The following PTK2 variants were observed in gnomAD, a reference collection of about 807,000 sequenced individuals.
PTK2 encodes the protein focal adhesion kinase 1.
In PTK2, 45 loss-of-function variants were observed where a neutral mutation model predicts 150.1. That is an observed-to-expected ratio of 0.30 (90% CI 0.24 to 0.38). The LOEUF (loss-of-function observed/expected upper bound fraction) is 0.38, where lower values mean the gene tolerates loss of function less well. Ranked by LOEUF, PTK2 falls within the 10% of genes least tolerant of loss-of-function variation. The pLI is 1.00. For missense variants in PTK2, 919 were observed against 1,307.3 expected (o/e 0.70, Z 4.58); for synonymous variants, 432 against 449.2 (o/e 0.96, Z 0.48).
intron 2 of PTK2, among the ~76,000 whole-genome samples, chr8:140,901,746 T>C (rs2100158541): frequency 6.6e-6 from 1 of 151,810 alleles, no homozygotes; most frequent in Non-Finnish European, 1.5e-5. Flanking sequence ...GGTGGTTTGC[T>C]GCACCCATCA....
At chr8:140,743,404 T>C (rs2100056819) in intron 19 of PTK2, 74 bp from the exon 23 acceptor site, 2 of 1,145,766 alleles carry the variant, frequency 1.7e-6, no homozygotes, top group Non-Finnish European at 2.6e-6. Flanking sequence ...TATAAAGACA[T>C]ACCAATAGGC....
Position 140,735,544 on chromosome 8 carries a change from G to A in PTK2, c.1826-89C>T, listed in dbSNP as rs1028410339. ...AGGAACATTGTTCTTCTAGGCACTC[G>A]AGTACCAGCTGGGAGGTAATGGGCA... On this transcript the variant is annotated intron_variant, in intron 21 of 31. Coordinates refer to ENST00000522684, the Ensembl canonical transcript of PTK2. The A allele has an allele frequency of 7.5e-6, 10 of 1,335,976 alleles. No individual in the cohort carries two copies. In the East Asian group the frequency reaches 9.3e-5, roughly 12 times the overall value. The allele number at this position is 1,335,976 out of a possible 1,614,324, so 82.8% of individuals were successfully genotyped here.
intron 1 of PTK2, among the ~76,000 whole-genome samples, chr8:140,990,506 T>A (rs1015475703): frequency 1.3e-5 from 2 of 152,134 alleles, no homozygotes; most frequent in Non-Finnish European, 2.9e-5. Flanking sequence ...CCTCCCAAAG[T>A]GCTGGGGTTA....
intron 2 of PTK2, chr8:140,921,223 T>C: frequency 1.2e-6 from 1 of 801,244 alleles, no homozygotes; most frequent in South Asian, 6.1e-5. Context: ...GTTCCTAGAT[T>C]CATTCAGGGA....
At chr8:140,930,397 C>A (rs1392244825) in intron 1 of PTK2, among the ~76,000 whole-genome samples, 1 of 152,212 alleles carries the variant, frequency 6.6e-6, no homozygotes, top group African/African-American at 2.4e-5. Context: ...ATGTGCCACA[C>A]TCTCCTGATC....
chr8:140,862,766 T>A (rs1357936659), intron 5 of PTK2, among the ~76,000 whole-genome samples: 1 of 152,178 alleles, frequency 6.6e-6, no homozygotes, highest in Non-Finnish European at 1.5e-5. Flanking sequence ...AGGTTGCGCA[T>A]TCCTTATGAG....
intron 8 of PTK2, among the ~76,000 whole-genome samples, chr8:140,829,668 GTA>G (rs1443952037): frequency 2.0e-5 from 3 of 152,052 alleles, no homozygotes; most frequent in Non-Finnish European, 4.4e-5. Flanking sequence ...AAAATAAAAA[GTA>G]AGAGCAGTAA....
At chr8:140,795,668 C>A (rs1046490669) in intron 12 of PTK2, among the ~76,000 whole-genome samples, 15 of 152,116 alleles carry the variant, frequency 9.9e-5, no homozygotes, top group Admixed American at 6.5e-5. Context: ...GCATGCACAA[C>A]CCTGTCTGTT....
intron 1 of PTK2, among the ~76,000 whole-genome samples, chr8:140,933,840 G>A (rs906472947): frequency 6.6e-6 from 1 of 151,822 alleles, no homozygotes; most frequent in African/African-American, 2.4e-5. Flanking sequence ...TATAGTATGA[G>A]AATTATACGT....
intron 1 of PTK2, among the ~76,000 whole-genome samples, chr8:140,964,086 A>G (rs2154609464): frequency 6.6e-6 from 1 of 152,068 alleles, no homozygotes; most frequent in East Asian, 1.9e-4. Context: ...GCTTACTCCT[A>G]ATCATCCTTC....
chr8:140,934,008 C>A (rs117680752), intron 1 of PTK2, among the ~76,000 whole-genome samples: 1 of 150,126 alleles, frequency 6.7e-6, no homozygotes, highest in African/African-American at 2.4e-5. Flanking sequence ...AAAAAAAATA[C>A]CTTTAACAAA....
At chr8:140,993,768 C>T (rs939248910) in intron 1 of PTK2, among the ~76,000 whole-genome samples, 8 of 152,106 alleles carry the variant, frequency 5.3e-5, no homozygotes, top group Admixed American at 5.2e-4. Context: ...CTCACTATGT[C>T]GCCCAGGCTG....
intron 1 of PTK2, among the ~76,000 whole-genome samples, chr8:140,926,520 C>A (rs1241347905): frequency 6.6e-6 from 1 of 152,168 alleles, no homozygotes; most frequent in Non-Finnish European, 1.5e-5. Context: ...GACAAATAAG[C>A]TGCTCTTATC....
At chr8:140,834,526 T>C (rs1431886430) in intron 7 of PTK2, among the ~76,000 whole-genome samples, 2 of 152,192 alleles carry the variant, frequency 1.3e-5, no homozygotes, top group East Asian at 1.9e-4. Flanking sequence ...TCACTAAGAT[T>C]CAAATCATTT....
chr8:140,823,275 T>A (rs964987747), intron 8 of PTK2, among the ~76,000 whole-genome samples: 1 of 152,198 alleles, frequency 6.6e-6, no homozygotes, highest in African/African-American at 2.4e-5. Flanking sequence ...TCAAAAATTA[T>A]GTAAAATAGG....
At position 140,934,768 on chromosome 8, in the gene PTK2, T is replaced by C. The variant is rs146535110; in HGVS notation, c.-121-9019A>G. Among the ~76,000 whole-genome samples, 373 of 152,350 alleles carry C rather than the reference T, an allele frequency of 2.4e-3. 4 individuals carry two copies. Among genetic ancestry groups the C allele is most frequent in the African/African-American group, 7.6e-3 (318 of 41,588 alleles). On this transcript the variant is annotated intron_variant, in intron 1 of 31. Transcript: ENST00000522684. The stretch of plus-strand genomic sequence containing the variant: ...TGCTAAGCCTCTGCTATGACAGTGA[T>C]GAAATTTTCTGACCATCTGTTGTTA...
At position 140,789,407 on chromosome 8, in the gene PTK2, AT is replaced by A. The variant is rs2100087017; in HGVS notation, c.1177+66del. The A allele has an allele frequency of 1.2e-5, 17 of 1,460,610 alleles. 1 individual carries two copies. Among genetic ancestry groups the A allele is most frequent in the African/African-American group, 7.0e-5 (5 of 71,190 alleles). The allele number at this position is 1,460,610 out of a possible 1,614,324, so 90.5% of individuals were successfully genotyped here. A position where few individuals can be genotyped will look rare whatever the true frequency, so the allele number is the denominator to read the frequency against. On this transcript the variant is annotated intron_variant, in intron 14 of 31. Coordinates refer to ENST00000522684, the Ensembl canonical transcript of PTK2. ...CTAGAACGAAGCAATTATACTAAAA[AT>A]AGACATCTATGATCGTCTTACCCCA...
intron 2 of PTK2, among the ~76,000 whole-genome samples, chr8:140,922,385 G>A (rs2100167811): frequency 6.6e-6 from 1 of 151,800 alleles, no homozygotes; most frequent in Non-Finnish European, 1.5e-5. Context: ...GAAAAGAACA[G>A]AGGAAACAAG....
chr8:140,707,025 G>A (rs1397591526), intron 23 of PTK2, among the ~76,000 whole-genome samples: 2 of 152,200 alleles, frequency 1.3e-5, no homozygotes, highest in Admixed American at 6.5e-5. Flanking sequence ...TGTAATTAAA[G>A]GGAATAAAAT....
Sources: allele counts gnomAD v4.1 joint callset (sites outside exome capture counted in the v4.1 genomes callset), GRCh38; gene constraint gnomAD v4.1.1; transcripts MANE v1.5; gene names NCBI Gene and HGNC (gene_info 2026-07-23, HGNC 2026-07-21).